Variants in MTMR8 observed in about 807,000 individuals in gnomAD.
MTMR8 encodes the protein myotubularin related protein 8, also known as phosphatidylinositol-3,5-bisphosphate 3-phosphatase MTMR8.
Under a neutral mutation model 39.3 loss-of-function variants are expected in MTMR8, and 65 were observed. The ratio of observed to expected loss-of-function variants is 1.65; its 90% CI spans 1.35 to 2.03. The LOEUF (loss-of-function observed/expected upper bound fraction) is 2.03. Among genes scored for constraint, MTMR8 ranks in the 30% most tolerant of loss-of-function variants. The pLI, the probability that MTMR8 is intolerant of heterozygous loss-of-function variation, is 0.00. For missense variants in MTMR8, 777 were observed against 538.9 expected (o/e 1.44, Z -4.37); for synonymous variants, 245 against 185.2 (o/e 1.32, Z -2.62).
At chrX:64,336,579 C>T (rs934221386) in intron 9 of MTMR8, among the ~76,000 whole-genome samples, 3 of 110,384 alleles carry the variant, frequency 2.7e-5, no homozygotes, top group African/African-American at 9.9e-5. Context: ...GGGCAGATCA[C>T]ATGAGGCCAG....
intron 1 of MTMR8, among the ~76,000 whole-genome samples, chrX:64,363,879 C>T (rs1333649272): frequency 8.9e-6 from 1 of 111,879 alleles, no homozygotes; most frequent in Non-Finnish European, 1.9e-5. Flanking sequence ...CGGGACACTC[C>T]CTCCCAAATA....
chrX:64,288,420 G>A (rs377662847), intron 12 of MTMR8, among the ~76,000 whole-genome samples: 1 of 111,450 alleles, frequency 9.0e-6, no homozygotes, highest in East Asian at 2.8e-4. Context: ...TCTGTTGGTG[G>A]GACTGTAAAC....
intron 12 of MTMR8, among the ~76,000 whole-genome samples, chrX:64,303,253 C>T (rs1304079584): frequency 1.8e-5 from 2 of 111,964 alleles, no homozygotes; most frequent in African/African-American, 6.5e-5. Context: ...TGATGTTGAA[C>T]ATTTATCTTT....
At chrX:64,284,195 G>T (rs758756590) in intron 12 of MTMR8, among the ~76,000 whole-genome samples, 1 of 112,194 alleles carries the variant, frequency 8.9e-6, no homozygotes, top group African/African-American at 3.2e-5. Flanking sequence ...TTCAGTAGAT[G>T]ATTCGATCAA....
intron 12 of MTMR8, among the ~76,000 whole-genome samples, chrX:64,287,625 C>A (rs1275523072): frequency 2.7e-5 from 3 of 110,163 alleles, no homozygotes; most frequent in African/African-American, 9.9e-5. Flanking sequence ...GAGATATAGA[C>A]CAATGGAACA....
At chrX:64,271,966 C>T (rs1053562707) in intron 12 of MTMR8, among the ~76,000 whole-genome samples, 3 of 112,052 alleles carry the variant, frequency 2.7e-5, no homozygotes, top group Non-Finnish European at 3.8e-5. Flanking sequence ...GGCTTTTGTG[C>T]CACCTGTCTA....
chrX:64,283,254 C>A (rs889793331), intron 12 of MTMR8, among the ~76,000 whole-genome samples: 24 of 111,812 alleles, frequency 2.1e-4, no homozygotes, highest in Admixed American at 6.6e-4. Context: ...GATGGAACTG[C>A]AAGGCAGCAG....
intron 11 of MTMR8, among the ~76,000 whole-genome samples, chrX:64,329,492 A>C: frequency 9.0e-6 from 1 of 111,593 alleles, no homozygotes; most frequent in East Asian, 2.8e-4. Context: ...ACTAAAGATT[A>C]TGGCATTTAT....
At chrX:64,342,092 G>A (rs747235676) in intron 8 of MTMR8, among the ~76,000 whole-genome samples, 11 of 112,040 alleles carry the variant, frequency 9.8e-5, no homozygotes, top group African/African-American at 3.2e-4. Context: ...AACCAATGGA[G>A]GATTTTGAGT....
At chrX:64,283,485 C>T (rs1048047270) in intron 12 of MTMR8, among the ~76,000 whole-genome samples, 2 of 111,722 alleles carry the variant, frequency 1.8e-5, no homozygotes, top group African/African-American at 6.5e-5. Flanking sequence ...AGTGGTTCTC[C>T]CAGCACGGAG....
intron 13 of MTMR8, among the ~76,000 whole-genome samples, 169 bp downstream of exon 13, chrX:64,270,778 G>A (rs972774637): frequency 4.5e-5 from 5 of 111,536 alleles, no homozygotes; most frequent in Non-Finnish European, 9.4e-5. Flanking sequence ...ATTTTGGGAA[G>A]TAAGAAAAGG....
intron 12 of MTMR8, among the ~76,000 whole-genome samples, chrX:64,316,767 A>T (rs937872368): frequency 1.8e-5 from 2 of 111,237 alleles, no homozygotes; most frequent in Non-Finnish European, 3.8e-5. Context: ...ACTGTCATTT[A>T]AACTGTTTTT....
Position 64,359,481 on chromosome X carries a change from G to T in MTMR8, c.71C>A (p.Ala24Asp), listed in dbSNP as rs1363672681. 8.3e-7 allele frequency: 1 copy of T among 1,204,469 alleles called. No homozygotes were observed. The highest frequency in any genetic ancestry group is 1.1e-6 in the Non-Finnish European group (1 of 891,733). ...TGCAGTAAGATAAAGAATCCCATTA[G>T]CTGGTTTCTTACTCACATAACGATC... ...LVDRYVSKKPANGILYLTATH... is the reference protein window; with the variant it reads ...LVDRYVSKKPDNGILYLTATH... Residue 24 changes from alanine (A) to aspartate (D), a missense_variant, in exon 2 of 14, where the codon GCT (alanine) becomes GAT (aspartate). Physicochemically the swap from Ala to Asp is moderately radical, Grantham distance 126 (BLOSUM62 -2). Transcript: ENST00000374852.
intron 10 of MTMR8, among the ~76,000 whole-genome samples, chrX:64,335,016 G>A (rs1372484613): frequency 9.0e-6 from 1 of 111,656 alleles, no homozygotes; most frequent in Admixed American, 9.5e-5. Context: ...TGTGGGTGAA[G>A]GAAGAATAAA....
intron 1 of MTMR8, among the ~76,000 whole-genome samples, chrX:64,362,007 G>A (rs1391322743): frequency 9.1e-6 from 1 of 110,257 alleles, no homozygotes; most frequent in Admixed American, 9.7e-5. Flanking sequence ...AACCACAAAA[G>A]TCAATAACAT....
chrX:64,329,826 T>C (rs762940391), intron 11 of MTMR8, among the ~76,000 whole-genome samples: 1 of 111,867 alleles, frequency 8.9e-6, no homozygotes, highest in South Asian at 3.7e-4. Context: ...AAAAAAAATA[T>C]TGCGTTGGTA....
chrX:64,310,928 C>A (rs986131485), intron 12 of MTMR8, among the ~76,000 whole-genome samples: 1 of 111,764 alleles, frequency 8.9e-6, no homozygotes, highest in African/African-American at 3.3e-5. Context: ...GGTTCCAAGT[C>A]TTTGCTATTG....
intron 1 of MTMR8, among the ~76,000 whole-genome samples, chrX:64,381,266 T>G (rs369395545): frequency 6.3e-5 from 7 of 111,554 alleles, no homozygotes; most frequent in East Asian, 2.8e-4. Flanking sequence ...GTTGTTTCCT[T>G]ACTTTTTAAT....
intron 12 of MTMR8, among the ~76,000 whole-genome samples, chrX:64,326,666 C>T (rs919684212): frequency 2.0e-4 from 22 of 110,502 alleles, no homozygotes; most frequent in African/African-American, 7.2e-4. Flanking sequence ...ATACCAATGG[C>T]ATTCTTCACA....
Sources: allele counts gnomAD v4.1 joint callset (sites outside exome capture counted in the v4.1 genomes callset), GRCh38; gene constraint gnomAD v4.1.1; transcripts MANE v1.5; gene names NCBI Gene and HGNC (gene_info 2026-07-23, HGNC 2026-07-21).